LOXL2: variants seen among roughly 807,000 people sequenced by gnomAD.
The protein encoded by LOXL2 is lysyl oxidase like 2.
Under a neutral mutation model 93.0 loss-of-function variants are expected in LOXL2, and 70 were observed. The ratio of observed to expected loss-of-function variants is 0.75; its 90% CI spans 0.62 to 0.92. LOXL2 has a LOEUF of 0.92. Among genes scored for constraint, LOXL2 ranks in the 40% least tolerant of loss-of-function variants. The pLI, the probability that LOXL2 is intolerant of heterozygous loss-of-function variation, is 0.00. For synonymous variants in LOXL2, 438 were observed against 413.2 expected, an observed-to-expected ratio of 1.06 and a Z score of -0.73; for missense variants, 973 against 1,054.9, an observed-to-expected ratio of 0.92 and a Z score of 1.08.
Position 23,382,683 on chromosome 8 carries a change from T to A in LOXL2, c.-83-14249A>T, listed in dbSNP as rs191573409. On this transcript the variant is annotated intron_variant, in intron 1 of 13. Transcript: ENST00000389131. ...AGTCCTAGGTGAACAAGACTATTAT[T>A]ATGGGCTAAACTGTGTCTTTCTGCC... Among the ~76,000 whole-genome samples, 47 of 152,206 alleles carry A rather than the reference T, an allele frequency of 3.1e-4. No individual in the cohort carries two copies. In the East Asian group the frequency reaches 4.8e-3, roughly 16 times the overall value.
chr8:23,378,727 C>T (rs564462998), intron 1 of LOXL2, among the ~76,000 whole-genome samples: 18 of 152,172 alleles, frequency 1.2e-4, no homozygotes, highest in Admixed American at 5.9e-4. Context: ...TCTGGTTGAT[C>T]GAAACGGCTA....
chr8:23,366,470 T>C (rs1173495169), intron 2 of LOXL2, among the ~76,000 whole-genome samples: 1 of 152,164 alleles, frequency 6.6e-6, no homozygotes, highest in African/African-American at 2.4e-5. Context: ...AACAGAAAAG[T>C]TGGAAGGGAG....
At chr8:23,367,162 C>T (rs568295632) in intron 2 of LOXL2, among the ~76,000 whole-genome samples, 1 of 152,222 alleles carries the variant, frequency 6.6e-6, no homozygotes, top group Admixed American at 6.5e-5. Flanking sequence ...GATTTTTGTG[C>T]CTTAGCCTCC....
intron 1 of LOXL2, among the ~76,000 whole-genome samples, chr8:23,390,521 G>C (rs1804825552): frequency 6.6e-6 from 1 of 152,230 alleles, no homozygotes. Flanking sequence ...CCTCCAAAAA[G>C]AGGTCTTTGT....
At position 23,297,748 on chromosome 8, in the gene LOXL2, C is replaced by T; in HGVS notation, c.*295G>A. On this transcript the variant is annotated 3_prime_UTR_variant, in exon 14 of 14. Coordinates refer to ENST00000389131, the MANE Select transcript of LOXL2 (RefSeq NM_002318.3). ...TTGAATGGGACAAGCTGATGACAAC[C>T]TGTCTGTGGGCCTCATCCCGGTCAA... 1 of 331,448 alleles carries T rather than the reference C, an allele frequency of 3.0e-6. No homozygotes were observed. The highest frequency in any genetic ancestry group is 5.6e-6 in the Non-Finnish European group (1 of 178,500). The allele number at this position is 331,448 out of a possible 1,614,324, so 20.5% of individuals were successfully genotyped here.
chr8:23,389,312 T>C (rs1804808360), intron 1 of LOXL2, among the ~76,000 whole-genome samples: 1 of 152,196 alleles, frequency 6.6e-6, no homozygotes, highest in South Asian at 2.1e-4. Flanking sequence ...AGATTTTTAT[T>C]GAAGCTACTG....
intron 1 of LOXL2, among the ~76,000 whole-genome samples, chr8:23,397,862 G>A (rs565324071): frequency 2.3e-4 from 34 of 150,218 alleles, no homozygotes; most frequent in African/African-American, 5.1e-4. Context: ...TCGGGAGGCT[G>A]AGGCAGGAGA....
chr8:23,394,757 C>T (rs1376768412), intron 1 of LOXL2, among the ~76,000 whole-genome samples: 1 of 134,542 alleles, frequency 7.4e-6, no homozygotes, highest in Non-Finnish European at 1.6e-5. Context: ...TAAGTATATA[C>T]CCCCCCAAAA....
chr8:23,302,674 G>A (rs11135722), intron 11 of LOXL2, among the ~76,000 whole-genome samples: 85,049 of 152,052 alleles, frequency 0.56, 24,752 homozygotes, highest in East Asian at 0.83. Flanking sequence ...AATTAAACAC[G>A]CATTTACTGA....
chr8:23,325,828 G>T (rs1803568494), intron 6 of LOXL2, among the ~76,000 whole-genome samples: 1 of 152,204 alleles, frequency 6.6e-6, no homozygotes, highest in Non-Finnish European at 1.5e-5. Flanking sequence ...TCCCGATGCG[G>T]GCAGGGGTCC....
At chr8:23,361,422 C>G (rs1405385992) in intron 2 of LOXL2, among the ~76,000 whole-genome samples, 1 of 152,160 alleles carries the variant, frequency 6.6e-6, no homozygotes, top group African/African-American at 2.4e-5. Flanking sequence ...AGAAGGCCGC[C>G]AAGGGACTCT....
Position 23,368,040 on chromosome 8 carries a change from C to T in LOXL2, c.312G>A (p.Glu104=). ...HVVCRELGYV[E]AKSWTASSSY... ...AGGAGCTGGCAGTCCAGGACTTGGC[C>T]TCCACGTAGCCCAGCTCCCGGCAGA... Residue 104 remains glutamate (E), a synonymous_variant, in exon 2 of 14, where the codon GAG becomes GAA. Transcript: ENST00000389131. 1.9e-6 allele frequency: 3 copies of T among 1,613,918 alleles called. No individual in the cohort carries two copies. Among genetic ancestry groups the T allele is most frequent in the South Asian group, 2.2e-5 (2 of 91,086 alleles).
At chr8:23,328,739 G>GTGTA (rs1803629311) in intron 5 of LOXL2, 174 bp from the exon 6 acceptor site, 1 of 630,860 alleles carries the variant, frequency 1.6e-6, no homozygotes, top group African/African-American at 1.8e-5. Flanking sequence ...GTGTGTGTGT[G>GTGTA]TGTGTGTCGT....
intron 3 of LOXL2, among the ~76,000 whole-genome samples, chr8:23,342,706 C>T (rs1488322351): frequency 6.6e-6 from 1 of 152,150 alleles, no homozygotes; most frequent in East Asian, 1.9e-4. Context: ...GCTGGGATTA[C>T]AGGCATGAGC....
At position 23,368,041 on chromosome 8, in the gene LOXL2, T is replaced by G. The variant is rs750776805; in HGVS notation, c.311A>C (p.Glu104Ala). ...GGAGCTGGCAGTCCAGGACTTGGCC[T>G]CCACGTAGCCCAGCTCCCGGCAGAC... ...HVVCRELGYV[E>A]AKSWTASSSY... Residue 104 changes from glutamate to alanine, a missense_variant, in exon 2 of 14, where the codon GAG becomes GCG. Physicochemically the swap from Glu to Ala is moderately radical, Grantham distance 107 (BLOSUM62 -1). Coordinates refer to ENST00000389131, the MANE Select transcript of LOXL2 (RefSeq NM_002318.3). The G allele has an allele frequency of 1.2e-6, 2 of 1,613,902 alleles. No homozygotes were observed. The highest frequency in any genetic ancestry group is 3.3e-5 in the Admixed American group (2 of 60,022).
At chr8:23,321,804 C>T (rs1233474313) in intron 7 of LOXL2, 8 of 281,344 alleles carry the variant, frequency 2.8e-5, no homozygotes, top group Admixed American at 4.8e-5. Context: ...CAGGCTGCAC[C>T]GTGTTTTGAT....
intron 1 of LOXL2, among the ~76,000 whole-genome samples, chr8:23,392,631 T>C (rs1800026769): frequency 6.6e-6 from 1 of 152,202 alleles, no homozygotes; most frequent in African/African-American, 2.4e-5. Context: ...CTCTTTAGCA[T>C]GACACAAACT....
At chr8:23,301,229 G>C (rs1563183342) in intron 12 of LOXL2, among the ~76,000 whole-genome samples, 1 of 152,244 alleles carries the variant, frequency 6.6e-6, no homozygotes, top group Admixed American at 6.5e-5. Flanking sequence ...GTAGGAGAGA[G>C]TGAGAGGGTG....
rs575079381 is a variant in LOXL2 at position 23,303,693 on chromosome 8, T to C, written c.1881-296A>G. 4.6e-5 allele frequency among the ~76,000 whole-genome samples: 7 copies of C among 152,194 alleles called. No homozygotes were observed. In the South Asian group the frequency reaches 1.5e-3, roughly 32 times the overall value. ...GTGGGTACCAGGGAGGTGAGCAGAT[T>C]AGCCAGCACTGCATATGATAAGCAC... On this transcript the variant is annotated intron_variant, in intron 10 of 13. Transcript: ENST00000389131.
Sources: gnomAD v4.1 joint callset for allele counts (sites outside exome capture counted in the v4.1 genomes callset) on GRCh38, gnomAD v4.1.1 for gene constraint, MANE v1.5 for transcripts, NCBI Gene and HGNC (gene_info 2026-07-23, HGNC 2026-07-21) for gene names.